DNM3: variants seen among roughly 807,000 people sequenced by gnomAD.
The protein encoded by DNM3 is dynamin 3.
Under a neutral mutation model 101.6 loss-of-function variants are expected in DNM3, and 47 were observed. The observed-to-expected ratio is 0.46, with a 90% CI of 0.37 to 0.59. DNM3 has a LOEUF of 0.59. Ranked by LOEUF, DNM3 falls within the 20% of genes least tolerant of loss-of-function variation. DNM3 has a pLI of 0.00. For missense variants in DNM3, 849 were observed against 1,085.7 expected (o/e 0.78, Z 3.06); for synonymous variants, 385 against 387.9 (o/e 0.99, Z 0.09).
chr1:172,083,280 G>C (rs549039569), intron 12 of DNM3, among the ~76,000 whole-genome samples: 10 of 152,270 alleles, frequency 6.6e-5, no homozygotes, highest in Non-Finnish European at 1.2e-4. Context: ...TAGTGGGTGG[G>C]GGGGGAATGT....
At chr1:171,868,314 G>A (rs2034954562) in intron 1 of DNM3, among the ~76,000 whole-genome samples, 1 of 152,056 alleles carries the variant, frequency 6.6e-6, no homozygotes. Context: ...AGGGTGACAA[G>A]AGGTGTCCTG....
At chr1:171,848,407 C>T (rs919472552) in intron 1 of DNM3, among the ~76,000 whole-genome samples, 4 of 151,964 alleles carry the variant, frequency 2.6e-5, no homozygotes, top group African/African-American at 7.3e-5. Context: ...GTGAGTAAAG[C>T]GTGACTTTTA....
In DNM3 at chr1:172,387,437, C is replaced by A. The variant is rs1324451849; in HGVS notation, c.2285+78C>A. 1.9e-5 allele frequency: 23 copies of A among 1,197,178 alleles called. No homozygotes were observed. The East Asian group carries it at 5.4e-4, about 28-fold the overall frequency. 74.2% of individuals were successfully genotyped at this position (1,197,178 alleles called of 1,614,324 possible). ...CTTTGAGAGGCCGAGGCGGGCGGATCACGAGGTCAGGAGATCGAGACCATC... is the reference window on the plus strand; with the variant it reads ...CTTTGAGAGGCCGAGGCGGGCGGATAACGAGGTCAGGAGATCGAGACCATC... On this transcript the variant is annotated intron_variant, in intron 19 of 20. Transcript: ENST00000627582.
chr1:172,117,548 G>A lies in DNM3; in HGVS notation c.1546-13627G>A, dbSNP rs545426233. On this transcript the variant is annotated intron_variant, in intron 13 of 20. Transcript: ENST00000627582. ...TTCTCGCAGCCACCGTGTAAGAAGTGCCTTTCATCTCCCACCATGATTCTG... is the reference window on the plus strand; with the variant it reads ...TTCTCGCAGCCACCGTGTAAGAAGTACCTTTCATCTCCCACCATGATTCTG... Among the ~76,000 whole-genome samples, 31 of 152,242 alleles carry A rather than the reference G, an allele frequency of 2.0e-4. No individual in the cohort carries two copies. In the South Asian group the frequency reaches 6.4e-3, roughly 32 times the overall value.
intron 17 of DNM3, among the ~76,000 whole-genome samples, chr1:172,327,159 T>C (rs2065969684): frequency 6.6e-6 from 1 of 152,136 alleles, no homozygotes; most frequent in African/African-American, 2.4e-5. Context: ...GAAAATTAGA[T>C]GAATAACTGT....
At chr1:171,919,388 T>C (rs1308973905) in intron 1 of DNM3, among the ~76,000 whole-genome samples, 1 of 152,200 alleles carries the variant, frequency 6.6e-6, no homozygotes, top group Non-Finnish European at 1.5e-5. Flanking sequence ...CTCCCACTTA[T>C]GAGTGAGAAC....
chr1:172,253,798 C>A (rs2062284432), intron 15 of DNM3, 116 bp downstream of exon 15: 1 of 540,662 alleles, frequency 1.8e-6, no homozygotes, highest in Non-Finnish European at 3.0e-6. Context: ...GTCTGCTCTT[C>A]AGTTTTCCTT....
intron 2 of DNM3, among the ~76,000 whole-genome samples, chr1:171,976,737 AG>A (rs2125570986): frequency 6.6e-6 from 1 of 152,314 alleles, no homozygotes; most frequent in South Asian, 2.1e-4. Flanking sequence ...TCATAGAAAA[AG>A]TTTTTTGTGG....
intron 17 of DNM3, among the ~76,000 whole-genome samples, chr1:172,368,228 A>T (rs2068131000): frequency 6.6e-6 from 1 of 151,970 alleles, no homozygotes; most frequent in African/African-American, 2.4e-5. Context: ...GTTAGGCTAC[A>T]AAACAAGTCT....
Position 171,902,617 on chromosome 1 carries a change from C to CTT in DNM3, c.162-19121_162-19120dup, listed in dbSNP as rs371573421. On this transcript the variant is annotated intron_variant, in intron 1 of 20. Transcript: ENST00000627582. The stretch of plus-strand genomic sequence containing the variant: ...TTTTTAATTGATCAAAGGCTTAAAT[C>CTT]TTTTTTTTTTTAAACTAACATTTGG... Among the ~76,000 whole-genome samples, 24 of 147,996 alleles carry CTT rather than the reference C, an allele frequency of 1.6e-4. No homozygotes were observed. In the East Asian group the frequency reaches 3.7e-3, roughly 23 times the overall value.
chr1:171,937,279 T>G (rs2041498450), intron 2 of DNM3, among the ~76,000 whole-genome samples: 1 of 145,184 alleles, frequency 6.9e-6, no homozygotes, highest in African/African-American at 2.6e-5. Flanking sequence ...AGGATTTATG[T>G]TTTTTTTTTT....
intron 1 of DNM3, among the ~76,000 whole-genome samples, chr1:171,854,880 T>C (rs2033423595): frequency 6.6e-6 from 1 of 152,142 alleles, no homozygotes; most frequent in Non-Finnish European, 1.5e-5. Context: ...TTTTTCCTTT[T>C]TTAAAAATTA....
intron 17 of DNM3, among the ~76,000 whole-genome samples, chr1:172,375,534 T>C (rs1297416814): frequency 6.6e-6 from 1 of 152,060 alleles, no homozygotes; most frequent in East Asian, 1.9e-4. Flanking sequence ...TGACCTGATT[T>C]ACTAAGAAAA....
At chr1:172,158,174 A>G (rs181423249) in intron 14 of DNM3, among the ~76,000 whole-genome samples, 2 of 152,118 alleles carry the variant, frequency 1.3e-5, no homozygotes, top group Non-Finnish European at 2.9e-5. Flanking sequence ...AGCCTTTCAA[A>G]TGGTGGGAAC....
chr1:172,125,549 C>T lies in DNM3; in HGVS notation c.1546-5626C>T, dbSNP rs145019270. Among the ~76,000 whole-genome samples, 539 of 152,228 alleles carry T rather than the reference C, an allele frequency of 3.5e-3. 7 individuals are homozygous for T. The highest frequency in any genetic ancestry group is 0.012 in the African/African-American group (515 of 41,528). ...ACCAAGAGAAGAGGCTGGGCTGTTC[C>T]ACTCTTCCCATTGCTGGTCTTGCAG... On this transcript the variant is annotated intron_variant, in intron 13 of 20. Coordinates refer to ENST00000627582, the MANE Select transcript of DNM3 (RefSeq NM_015569.5).
chr1:172,207,309 A>G (rs1348730261), intron 14 of DNM3, among the ~76,000 whole-genome samples: 1 of 152,130 alleles, frequency 6.6e-6, no homozygotes, highest in East Asian at 1.9e-4. Context: ...AAGTGTGTGA[A>G]TAGTTCCCCT....
intron 10 of DNM3, among the ~76,000 whole-genome samples, chr1:172,066,191 G>A (rs1345185457): frequency 6.6e-6 from 1 of 151,934 alleles, no homozygotes; most frequent in Non-Finnish European, 1.5e-5. Context: ...GTGTATGGTG[G>A]TGTGTGACTC....
At chr1:172,108,983 A>C (rs1357779178) in intron 13 of DNM3, among the ~76,000 whole-genome samples, 2 of 152,258 alleles carry the variant, frequency 1.3e-5, no homozygotes, top group African/African-American at 4.8e-5. Flanking sequence ...TATAGTCATC[A>C]TAATTTAAAC....
chr1:172,405,319 C>T (rs1427923645), intron 20 of DNM3, among the ~76,000 whole-genome samples: 1 of 151,936 alleles, frequency 6.6e-6, no homozygotes, highest in African/African-American at 2.4e-5. Context: ...TTGGGGGACA[C>T]TGGTAATAAT....
Sources: gnomAD v4.1 joint callset for allele counts (sites outside exome capture counted in the v4.1 genomes callset) on GRCh38, gnomAD v4.1.1 for gene constraint, MANE v1.5 for transcripts, NCBI Gene and HGNC (gene_info 2026-07-23, HGNC 2026-07-21) for gene names.